Variants in FRK observed in about 807,000 individuals in gnomAD.
FRK encodes fyn related Src family tyrosine kinase, also known as tyrosine-protein kinase FRK.
Under a neutral mutation model 56.4 loss-of-function variants are expected in FRK, and 51 were observed. The ratio of observed to expected loss-of-function variants is 0.90; its 90% CI spans 0.72 to 1.14. The LOEUF (loss-of-function observed/expected upper bound fraction) is 1.14, where lower values mean the gene tolerates loss of function less well. Among genes scored for constraint, FRK ranks in the 50% most tolerant of loss-of-function variants. The pLI is 0.00. For missense variants in FRK, 570 were observed against 601.4 expected (o/e 0.95, Z 0.55); for synonymous variants, 245 against 217.9 (o/e 1.12, Z -1.10).
intron 5 of FRK, among the ~76,000 whole-genome samples, chr6:115,945,821 A>G (rs1227311381): frequency 6.6e-6 from 1 of 152,142 alleles, no homozygotes; most frequent in Non-Finnish European, 1.5e-5. Flanking sequence ...CATACCTTCA[A>G]TAGGCAAAGT....
intron 2 of FRK, among the ~76,000 whole-genome samples, chr6:115,999,621 G>A (rs1211099068): frequency 1.3e-5 from 2 of 152,116 alleles, no homozygotes; most frequent in East Asian, 1.9e-4. Context: ...ATAGAAAAGG[G>A]ATATTTTTTG....
upstream of FRK, among the ~76,000 whole-genome samples, chr6:116,063,910 C>G (rs1777704736): frequency 6.6e-6 from 1 of 152,048 alleles, no homozygotes; most frequent in South Asian, 2.1e-4. Context: ...ACACGGCCAC[C>G]AAGTGGCTAA....
intron 1 of FRK, among the ~76,000 whole-genome samples, chr6:116,058,622 C>T (rs1300844167): frequency 6.6e-6 from 1 of 151,430 alleles, no homozygotes; most frequent in African/African-American, 2.4e-5. Context: ...TAAAATGAGT[C>T]CATTTTGGCC....
At chr6:116,062,750 G>C (rs1777669411), upstream of FRK, among the ~76,000 whole-genome samples, 1 of 152,264 alleles carries the variant, frequency 6.6e-6, no homozygotes, top group Admixed American at 6.5e-5. Flanking sequence ...AAAGAGAGAA[G>C]GTTTCTTTGT....
Position 116,060,594 on chromosome 6 carries a change from T to C in FRK, c.-283A>G. 2.8e-6 allele frequency: 1 copy of C among 352,288 alleles called. No homozygotes were observed. The highest frequency in any genetic ancestry group is 5.1e-6 in the Non-Finnish European group (1 of 194,274). 21.8% of individuals were successfully genotyped at this position (352,288 alleles called of 1,614,324 possible). A position where few individuals can be genotyped will look rare whatever the true frequency, so the allele number is the denominator to read the frequency against. ...ACTAGGAAGGTGTCTTTTCTTCTTA[T>C]CTGCTTAAGAATCCCACAACAAAAA... On this transcript the variant is annotated 5_prime_UTR_variant, in exon 1 of 8. Coordinates refer to ENST00000606080, the MANE Select transcript of FRK (RefSeq NM_002031.3).
At chr6:116,070,916 T>C in the FRK span, among the ~76,000 whole-genome samples, 1 of 152,168 alleles carries the variant, frequency 6.6e-6, no homozygotes, top group Admixed American at 6.6e-5. Context: ...TTGGCATTTT[T>C]TATTTTGATA....
chr6:116,060,444 C>T lies in FRK; in HGVS notation c.-133G>A. 1.5e-6 allele frequency: 1 copy of T among 680,292 alleles called. No homozygotes were observed. 42.1% of individuals were successfully genotyped at this position (680,292 alleles called of 1,614,324 possible). On this transcript the variant is annotated 5_prime_UTR_variant, in exon 1 of 8. Coordinates refer to ENST00000606080, the MANE Select transcript of FRK (RefSeq NM_002031.3). ...CCATACTTCGGAGAGTATGCAAAGT[C>T]CCGTTTCAGATCAGTCCAGCAGCTG...
chr6:116,075,595 CT>C, the FRK span, among the ~76,000 whole-genome samples: 9 of 152,054 alleles, frequency 5.9e-5, no homozygotes, highest in Admixed American at 3.3e-4. Flanking sequence ...GAAATTAACG[CT>C]CTTCATTGGG....
intron 1 of FRK, among the ~76,000 whole-genome samples, chr6:116,036,037 T>C (rs555133858): frequency 1.6e-4 from 24 of 152,256 alleles, no homozygotes; most frequent in South Asian, 1.2e-3. Flanking sequence ...AGTGATTTAA[T>C]TTCAGTTTTC....
In FRK at chr6:115,943,202, G is replaced by A. The variant is rs1181295667; in HGVS notation, c.1141-17C>T. 2 of 1,561,584 alleles carry A rather than the reference G, an allele frequency of 1.3e-6. No homozygotes were observed. The highest frequency in any genetic ancestry group is 2.3e-5 in the East Asian group (1 of 42,566). On this transcript the variant is annotated splice_polypyrimidine_tract_variant and intron_variant, in intron 6 of 7. Transcript: ENST00000606080. ...ATTATCTACCTGTTCATGTATTAAG[G>A]AATCAGGCCGAGTTAAAGCAATTTT...
chr6:115,972,208 C>T (rs184149974), intron 2 of FRK, among the ~76,000 whole-genome samples: 10 of 152,326 alleles, frequency 6.6e-5, no homozygotes, highest in Admixed American at 2.0e-4. Flanking sequence ...CTCCTCCAGA[C>T]TGTCCATCTA....
chr6:116,024,079 C>CAA (rs1331880743), intron 1 of FRK, among the ~76,000 whole-genome samples: 2 of 151,488 alleles, frequency 1.3e-5, no homozygotes, highest in African/African-American at 4.8e-5. Context: ...CACACACACA[C>CAA]ACACACACAC....
chr6:115,969,963 A>G (rs1773739553), intron 2 of FRK, among the ~76,000 whole-genome samples: 1 of 152,186 alleles, frequency 6.6e-6, no homozygotes, highest in African/African-American at 2.4e-5. Context: ...AAAGTTGTTG[A>G]TAAGTATTGG....
intron 1 of FRK, among the ~76,000 whole-genome samples, chr6:116,045,762 C>A (rs1055998075): frequency 3.9e-5 from 6 of 152,134 alleles, no homozygotes; most frequent in Non-Finnish European, 8.8e-5. Flanking sequence ...ACACCAAAAG[C>A]AATGGCAACA....
intron 2 of FRK, among the ~76,000 whole-genome samples, chr6:115,970,720 A>G (rs1277562043): frequency 6.6e-6 from 1 of 152,212 alleles, no homozygotes; most frequent in Non-Finnish European, 1.5e-5. Flanking sequence ...CAATGGTGGC[A>G]GACCCTGTCT....
chr6:116,030,913 G>A (rs1776284443), intron 1 of FRK, among the ~76,000 whole-genome samples: 1 of 152,062 alleles, frequency 6.6e-6, no homozygotes, highest in Non-Finnish European at 1.5e-5. Context: ...ACACTCCTGT[G>A]GGACTAAGCC....
At position 116,003,881 on chromosome 6, in the gene FRK, A is replaced by G; in HGVS notation, c.462T>C (p.Leu154=). 1 of 1,613,546 alleles carries G rather than the reference A, an allele frequency of 6.2e-7. No homozygotes were observed. Among genetic ancestry groups the G allele is most frequent in the Non-Finnish European group, 8.5e-7 (1 of 1,179,844 alleles). ...GACACAAAACAATACCCTTACCTGA[A>G]AGAGAGAATTCTCCTTTTTGGCTTT... is the stretch of plus-strand genomic sequence containing the variant. The part of the protein sequence containing the change: ...ESESQKGEFS[L]SVLDGAVVKH... Residue 154 remains leucine (L), a synonymous_variant, in exon 2 of 8, where the codon CTT becomes CTC. Transcript: ENST00000606080.
In FRK at chr6:115,940,832, G is replaced by C. The variant is rs1293924204; in HGVS notation, c.*1582C>G. 2 of 151,874 alleles carry C rather than the reference G, an allele frequency of 1.3e-5. No homozygotes were observed. The highest frequency in any genetic ancestry group is 2.9e-5 in the Non-Finnish European group (2 of 67,896). The allele number at this position is 151,874 out of a possible 1,614,324, so 9.4% of individuals were successfully genotyped here. A position where few individuals can be genotyped will look rare whatever the true frequency, so the allele number is the denominator to read the frequency against. On this transcript the variant is annotated 3_prime_UTR_variant, in exon 8 of 8. Coordinates refer to ENST00000606080, the MANE Select transcript of FRK (RefSeq NM_002031.3). ...TCATTAAAAAGTCAGGAAACAACAG[G>C]ATGCTGTTTTGGATGCCAAAGAGGA...
In FRK at chr6:115,935,074, C is replaced by G. The variant is rs550245606; in HGVS notation, c.*7340G>C. On this transcript the variant is annotated 3_prime_UTR_variant, in exon 8 of 8. Coordinates refer to ENST00000606080, the MANE Select transcript of FRK (RefSeq NM_002031.3). The stretch of plus-strand genomic sequence containing the variant: ...TGCTGGCAAGATGGCCAAATAGGAA[C>G]AGCTCTGGTCTGCAGCTCCCAGTGA... The G allele has an allele frequency of 1.3e-5, 2 of 152,478 alleles. No homozygotes were observed. The highest frequency in any genetic ancestry group is 4.8e-5 in the African/African-American group (2 of 41,570). The allele number at this position is 152,478 out of a possible 1,614,324, so 9.4% of individuals were successfully genotyped here.
Sources: gnomAD v4.1 joint callset for allele counts (sites outside exome capture counted in the v4.1 genomes callset) on GRCh38, gnomAD v4.1.1 for gene constraint, MANE v1.5 for transcripts, NCBI Gene and HGNC (gene_info 2026-07-23, HGNC 2026-07-21) for gene names.